Variants in KCNMA1 observed in about 807,000 individuals in gnomAD.
The protein encoded by KCNMA1 is Calcium-activated potassium channel subunit alpha-1.
Under a neutral mutation model 140.0 loss-of-function variants are expected in KCNMA1, and 29 were observed. The ratio of observed to expected loss-of-function variants is 0.21; its 90% CI spans 0.15 to 0.28. KCNMA1 has a LOEUF of 0.28. Among genes scored for constraint, KCNMA1 ranks in the 10% least tolerant of loss-of-function variants. The probability of loss-of-function intolerance (pLI) is 1.00; values close to 1 mark genes in which losing one functional copy is unlikely to be tolerated. For missense variants in KCNMA1, 880 were observed against 1,602.2 expected, an observed-to-expected ratio of 0.55 and a Z score of 7.70; for synonymous variants, 612 against 611.9, an observed-to-expected ratio of 1.00 and a Z score of 0.00.
rs902161655 is a variant in KCNMA1 at position 77,006,848 on chromosome 10, T to C, written c.2092+5119A>G. 3.9e-5 allele frequency among the ~76,000 whole-genome samples: 6 copies of C among 152,244 alleles called. No homozygotes were observed. In the East Asian group the frequency reaches 9.6e-4, roughly 24 times the overall value. On this transcript the variant is annotated intron_variant, in intron 18 of 27. Coordinates refer to ENST00000286628, the MANE Select transcript of KCNMA1 (RefSeq NM_001161352.2). ...CCCTCAAGCCATGTTTAAAGGGTTC[T>C]GTCGATGAAGAAAGCCACAGAGTCG...
intron 14 of KCNMA1, among the ~76,000 whole-genome samples, chr10:77,065,246 A>C (rs1434869101): frequency 6.6e-6 from 1 of 152,154 alleles, no homozygotes; most frequent in African/African-American, 2.4e-5. Context: ...AACACCAAAG[A>C]GTGCCACGGG....
At chr10:77,588,304 G>C (rs1056238109) in intron 1 of KCNMA1, among the ~76,000 whole-genome samples, 4 of 152,178 alleles carry the variant, frequency 2.6e-5, no homozygotes, top group African/African-American at 4.8e-5. Flanking sequence ...GGGAGAGGGG[G>C]ATAGGGTCCC....
At chr10:77,604,456 G>C (rs993447408) in intron 1 of KCNMA1, among the ~76,000 whole-genome samples, 2 of 152,296 alleles carry the variant, frequency 1.3e-5, no homozygotes, top group Middle Eastern at 3.4e-3. Flanking sequence ...TATAATCCCA[G>C]TACTTTGGGA....
At chr10:77,351,439 C>A (rs1407118552) in intron 2 of KCNMA1, among the ~76,000 whole-genome samples, 1 of 152,196 alleles carries the variant, frequency 6.6e-6, no homozygotes, top group Non-Finnish European at 1.5e-5. Flanking sequence ...ATTTAGAACA[C>A]AATGACCCTG....
At chr10:76,947,454 C>A (rs78062153) in intron 22 of KCNMA1, among the ~76,000 whole-genome samples, 12,374 of 152,208 alleles carry the variant, frequency 0.081, 1,680 homozygotes, top group African/African-American at 0.28. Flanking sequence ...CCATCTCTCT[C>A]CACACACATA....
At chr10:76,953,026 G>A (rs1367593634) in intron 21 of KCNMA1, among the ~76,000 whole-genome samples, 1 of 152,200 alleles carries the variant, frequency 6.6e-6, no homozygotes, top group African/African-American at 2.4e-5. Context: ...AACAAGGGCA[G>A]AGAGTAGAAT....
intron 9 of KCNMA1, among the ~76,000 whole-genome samples, chr10:77,105,370 G>T (rs565187040): frequency 2.0e-5 from 3 of 152,132 alleles, no homozygotes; most frequent in Non-Finnish European, 4.4e-5. Flanking sequence ...CTGAATTTGG[G>T]TGTTGTACAA....
rs1427489566 is a variant in KCNMA1 at position 77,475,581 on chromosome 10, G to A, written c.379-71558C>T. On this transcript the variant is annotated intron_variant, in intron 1 of 27. Transcript: ENST00000286628. ...TTACAGATGAAGAAACCAAGGCAAGGGGAGATTAATGATGAAAATAAGGCA... is the reference window on the plus strand; with the variant it reads ...TTACAGATGAAGAAACCAAGGCAAGAGGAGATTAATGATGAAAATAAGGCA... Among the ~76,000 whole-genome samples, 4 of 152,106 alleles carry A rather than the reference G, an allele frequency of 2.6e-5. No homozygotes were observed. The East Asian group carries it at 5.8e-4, about 22-fold the overall frequency.
rs753730944 is a variant in KCNMA1 at position 77,253,781 on chromosome 10, C to T, written c.541-2525G>A. ...GATAGGCAAACTGCCCCATGATGTA[C>T]GATGAAATGCTCCCTGGGGAGATGA... On this transcript the variant is annotated intron_variant, in intron 2 of 27. Coordinates refer to ENST00000286628, the MANE Select transcript of KCNMA1 (RefSeq NM_001161352.2). Among the ~76,000 whole-genome samples, 10 of 152,264 alleles carry T rather than the reference C, an allele frequency of 6.6e-5. No homozygotes were observed. The South Asian group carries it at 8.3e-4, about 13-fold the overall frequency.
At chr10:77,238,898 C>T (rs555946875) in intron 3 of KCNMA1, among the ~76,000 whole-genome samples, 2 of 152,268 alleles carry the variant, frequency 1.3e-5, no homozygotes, top group Non-Finnish European at 2.9e-5. Flanking sequence ...ACAAAAGAAC[C>T]ACCACCAGTC....
intron 6 of KCNMA1, among the ~76,000 whole-genome samples, chr10:77,120,692 AC>A (rs2097575396): frequency 6.6e-6 from 1 of 151,884 alleles, no homozygotes; most frequent in Admixed American, 6.6e-5. Context: ...TATCTGGGCA[AC>A]CCCACTGGGC....
chr10:77,125,543 G>A (rs760429647), intron 5 of KCNMA1, among the ~76,000 whole-genome samples: 6 of 152,106 alleles, frequency 3.9e-5, no homozygotes, highest in Non-Finnish European at 8.8e-5. Context: ...GACTTTCCCT[G>A]GCTACCCGAC....
intron 14 of KCNMA1, among the ~76,000 whole-genome samples, chr10:77,059,622 A>G (rs945185571): frequency 6.6e-6 from 1 of 152,166 alleles, no homozygotes; most frequent in Non-Finnish European, 1.5e-5. Flanking sequence ...ACATTGATGC[A>G]GGAAAGCATT....
Position 76,949,189 on chromosome 10 carries a change from G to T in KCNMA1, c.2662C>A (p.Arg888=), listed in dbSNP as rs763848235. The T allele has an allele frequency of 3.7e-6, 6 of 1,614,124 alleles. No homozygotes were observed. Among genetic ancestry groups the T allele is most frequent in the Non-Finnish European group, 5.1e-6 (6 of 1,180,002 alleles). The change falls in exon 22 of 28, where the codon CGG becomes AGG. Residue 888 remains arginine (R), a synonymous_variant. Coordinates refer to ENST00000286628, the MANE Select transcript of KCNMA1 (RefSeq NM_001161352.2). ...VFVGSIEYLK[R]EWETLHNFPK... ...AAGTTATGAAGCGTCTCCCATTCCC[G>T]CTTGAGGTACTCAATAGAGCCCACA...
chr10:76,993,537 C>T (rs770535510), intron 19 of KCNMA1, among the ~76,000 whole-genome samples: 5 of 152,200 alleles, frequency 3.3e-5, no homozygotes, highest in Non-Finnish European at 7.3e-5. Context: ...CCTGCAGGGT[C>T]CTGCAGACTA....
chr10:77,279,450 A>G lies in KCNMA1; in HGVS notation c.541-28194T>C, dbSNP rs533816418. On this transcript the variant is annotated intron_variant, in intron 2 of 27. Coordinates refer to ENST00000286628, the MANE Select transcript of KCNMA1 (RefSeq NM_001161352.2). Reference sequence around the variant, plus strand: ...CAGCAAGCGGACAAAGGGCAGATTCATAACACTACTTTGTGGTTAACTGGT... The same window carrying G: ...CAGCAAGCGGACAAAGGGCAGATTCGTAACACTACTTTGTGGTTAACTGGT... Among the ~76,000 whole-genome samples the G allele has an allele frequency of 2.6e-5, 4 of 152,300 alleles. No homozygotes were observed. In the South Asian group the frequency reaches 8.3e-4, roughly 32 times the overall value.
chr10:77,556,582 G>A (rs1488184277), intron 1 of KCNMA1, among the ~76,000 whole-genome samples: 1 of 150,442 alleles, frequency 6.6e-6, no homozygotes, highest in Non-Finnish European at 1.5e-5. Flanking sequence ...ATGAAGACCA[G>A]GATACAGTAC....
intron 2 of KCNMA1, among the ~76,000 whole-genome samples, chr10:77,292,866 G>C (rs375313473): frequency 6.6e-6 from 1 of 152,224 alleles, no homozygotes; most frequent in African/African-American, 2.4e-5. Flanking sequence ...AAGCAAGTAA[G>C]CATTCAAATA....
At chr10:77,409,072 C>T (rs1486930551) in intron 1 of KCNMA1, among the ~76,000 whole-genome samples, 1 of 152,166 alleles carries the variant, frequency 6.6e-6, no homozygotes, top group Non-Finnish European at 1.5e-5. Context: ...TACACCCTCA[C>T]CCCTTTCTAT....
Sources: gnomAD v4.1 joint callset for allele counts (sites outside exome capture counted in the v4.1 genomes callset) on GRCh38, gnomAD v4.1.1 for gene constraint, MANE v1.5 for transcripts, NCBI Gene and HGNC (gene_info 2026-07-23, HGNC 2026-07-21) for gene names.